Variants in CACNA2D3 observed in about 807,000 individuals in gnomAD.
CACNA2D3 encodes the protein calcium voltage-gated channel auxiliary subunit alpha2delta 3, also known as voltage-dependent calcium channel subunit alpha-2/delta-3.
A neutral mutation model predicts 160.6 loss-of-function variants in CACNA2D3; 60 were observed. The observed-to-expected ratio is 0.37, with a 90% CI of 0.30 to 0.46. The LOEUF (loss-of-function observed/expected upper bound fraction) is 0.46. Among genes scored for constraint, CACNA2D3 ranks in the 20% least tolerant of loss-of-function variants. The pLI is 1.00. For synonymous variants in CACNA2D3, 558 were observed against 492.9 expected, an observed-to-expected ratio of 1.13 and a Z score of -1.75; for missense variants, 1,205 against 1,365.0, an observed-to-expected ratio of 0.88 and a Z score of 1.85.
intron 2 of CACNA2D3, among the ~76,000 whole-genome samples, chr3:54,186,605 T>C (rs1280943391): frequency 6.6e-6 from 1 of 152,188 alleles, no homozygotes; most frequent in African/African-American, 2.4e-5. Context: ...TTTTTTCTGG[T>C]AATTTCTCTT....
chr3:54,381,108 A>G (rs1223951235), intron 3 of CACNA2D3, among the ~76,000 whole-genome samples: 1 of 152,242 alleles, frequency 6.6e-6, no homozygotes, highest in African/African-American at 2.4e-5. Flanking sequence ...CATGAAAACC[A>G]CTAAATATAT....
At chr3:54,828,097 G>T (rs1194405463) in intron 14 of CACNA2D3, among the ~76,000 whole-genome samples, 1 of 152,210 alleles carries the variant, frequency 6.6e-6, no homozygotes, top group African/African-American at 2.4e-5. Flanking sequence ...GTTAGGGAAG[G>T]TTTTATGGAG....
chr3:54,162,808 C>T (rs80137354), intron 2 of CACNA2D3, among the ~76,000 whole-genome samples: 7 of 152,016 alleles, frequency 4.6e-5, no homozygotes, highest in Admixed American at 1.3e-4. Flanking sequence ...TTCAGAGATA[C>T]GTAAGACAGA....
At position 54,204,612 on chromosome 3, in the gene CACNA2D3, T is replaced by C. The variant is rs181886801; in HGVS notation, c.204+81018T>C. Among the ~76,000 whole-genome samples, 375 of 151,936 alleles carry C rather than the reference T, an allele frequency of 2.5e-3. 1 individual carries two copies. Among genetic ancestry groups the C allele is most frequent in the African/African-American group, 8.0e-3 (332 of 41,454 alleles). On this transcript the variant is annotated intron_variant, in intron 2 of 37. Transcript: ENST00000474759. ...GAGTTCAAGACCAGCCTGGCTAACA[T>C]GGTGAAACCCTGTCTCTACTAAAAA...
At chr3:54,700,017 T>A (rs1357196739) in intron 11 of CACNA2D3, among the ~76,000 whole-genome samples, 2 of 152,198 alleles carry the variant, frequency 1.3e-5, no homozygotes, top group Non-Finnish European at 2.9e-5. Flanking sequence ...CACACAAGGT[T>A]GTCCCTCCTG....
intron 11 of CACNA2D3, among the ~76,000 whole-genome samples, chr3:54,738,292 C>T (rs1457950818): frequency 1.3e-5 from 2 of 152,160 alleles, no homozygotes; most frequent in Admixed American, 1.3e-4. Flanking sequence ...GTACTAGTGA[C>T]ATGTCCTCAA....
intron 27 of CACNA2D3, among the ~76,000 whole-genome samples, chr3:54,935,130 C>T (rs1701297756): frequency 6.6e-6 from 1 of 152,164 alleles, no homozygotes; most frequent in Non-Finnish European, 1.5e-5. Context: ...GGTAGGGTTT[C>T]CCTGACACTG....
intron 14 of CACNA2D3, among the ~76,000 whole-genome samples, chr3:54,823,896 G>A (rs755850136): frequency 5.3e-5 from 8 of 152,136 alleles, no homozygotes; most frequent in Middle Eastern, 6.8e-3. Flanking sequence ...TATTATGAGC[G>A]TACATTATTT....
chr3:54,378,700 A>G (rs575994230), intron 3 of CACNA2D3, among the ~76,000 whole-genome samples: 1 of 152,354 alleles, frequency 6.6e-6, no homozygotes, highest in East Asian at 1.9e-4. Context: ...GCAGAAGAAC[A>G]TCATTTAAAA....
intron 4 of CACNA2D3, among the ~76,000 whole-genome samples, chr3:54,455,447 T>C (rs1700380745): frequency 6.6e-6 from 1 of 152,086 alleles, no homozygotes; most frequent in African/African-American, 2.4e-5. Flanking sequence ...GTTTTTCTAA[T>C]GTTGTATGAG....
chr3:54,813,488 C>T (rs1703377437), intron 13 of CACNA2D3, among the ~76,000 whole-genome samples: 1 of 152,106 alleles, frequency 6.6e-6, no homozygotes, highest in Admixed American at 6.5e-5. Flanking sequence ...CAAATCTATT[C>T]CTCTAGCAGA....
intron 2 of CACNA2D3, 135 bp downstream of exon 2, chr3:54,123,729 C>G (rs1291812303): frequency 2.7e-6 from 2 of 749,432 alleles, no homozygotes; most frequent in Non-Finnish European, 4.8e-6. Context: ...GGTTTCTTGG[C>G]ATTGTACTAT....
At chr3:54,332,881 G>A (rs531210962) in intron 3 of CACNA2D3, among the ~76,000 whole-genome samples, 1 of 152,120 alleles carries the variant, frequency 6.6e-6, no homozygotes, top group South Asian at 2.1e-4. Flanking sequence ...GATTTATAGC[G>A]GGCTCCCTCC....
chr3:55,003,809 A>T (rs1703032713), intron 31 of CACNA2D3, among the ~76,000 whole-genome samples: 1 of 152,140 alleles, frequency 6.6e-6, no homozygotes, highest in African/African-American at 2.4e-5. Flanking sequence ...TGGTGAATGA[A>T]ATGTCAGGAA....
intron 2 of CACNA2D3, among the ~76,000 whole-genome samples, chr3:54,169,777 G>A (rs962710605): frequency 2.0e-5 from 3 of 151,978 alleles, no homozygotes; most frequent in African/African-American, 7.2e-5. Context: ...GTGTGTGGAG[G>A]TGGTGATGAT....
At chr3:54,569,903 A>C in intron 7 of CACNA2D3, 48 bp downstream of exon 7, 3 of 1,613,076 alleles carry the variant, frequency 1.9e-6, no homozygotes, top group Non-Finnish European at 2.5e-6. Flanking sequence ...AGATATCTTG[A>C]AGAGAAGTGA....
chr3:54,267,422 T>C (rs946880933), intron 2 of CACNA2D3, among the ~76,000 whole-genome samples: 2 of 152,184 alleles, frequency 1.3e-5, no homozygotes, highest in Non-Finnish European at 2.9e-5. Flanking sequence ...GTTAATAAGT[T>C]TTCCATTGGA....
At chr3:54,865,833 T>A (rs537321534) in intron 17 of CACNA2D3, among the ~76,000 whole-genome samples, 1 of 152,338 alleles carries the variant, frequency 6.6e-6, no homozygotes, top group South Asian at 2.1e-4. Context: ...TGTGCTGGGC[T>A]CCTTGCTAAA....
At position 55,009,416 on chromosome 3, in the gene CACNA2D3, T is replaced by A; in HGVS notation, c.2848T>A (p.Trp950Arg). The A allele has an allele frequency of 6.2e-7, 1 of 1,613,948 alleles. No homozygotes were observed. The highest frequency in any genetic ancestry group is 8.5e-7 in the Non-Finnish European group (1 of 1,179,810). Reference sequence around the variant, plus strand: ...CCTGGTGGAATTTAACCTCTGCAGTTGGTGGCACTCCGATATGACAGCTAA... The same window carrying A: ...CCTGGTGGAATTTAACCTCTGCAGTAGGTGGCACTCCGATATGACAGCTAA... The part of the protein sequence containing the change: ...LFLVEFNLCS[W>R]WHSDMTAKAQ... Residue 950 changes from tryptophan to arginine, a missense_variant, in exon 34 of 38, where the codon TGG (tryptophan) becomes AGG (arginine). By Grantham distance (101) the Trp-to-Arg change is moderately radical (BLOSUM62 -3). Transcript: ENST00000474759.
Sources: gnomAD v4.1 joint callset for allele counts (sites outside exome capture counted in the v4.1 genomes callset) on GRCh38, gnomAD v4.1.1 for gene constraint, MANE v1.5 for transcripts, NCBI Gene and HGNC (gene_info 2026-07-23, HGNC 2026-07-21) for gene names.